Variants in PACS1 observed in about 807,000 individuals in gnomAD.
PACS1 encodes PACS-1.
A neutral mutation model predicts 115.0 loss-of-function variants in PACS1; 24 were observed. That is an observed-to-expected ratio of 0.21 (90% CI 0.15 to 0.29). The LOEUF (loss-of-function observed/expected upper bound fraction) is 0.29, where lower values mean the gene tolerates loss of function less well. Ranked by LOEUF, PACS1 falls within the 10% of genes least tolerant of loss-of-function variation. PACS1 has a pLI of 1.00. For missense variants in PACS1, 838 were observed against 1,251.2 expected (o/e 0.67, Z 4.98); for synonymous variants, 453 against 504.5 (o/e 0.90, Z 1.37).
chr11:66,221,000 C>T (rs1266578061), intron 9 of PACS1, among the ~76,000 whole-genome samples, 154 bp from the exon 10 acceptor site: 1 of 152,152 alleles, frequency 6.6e-6, no homozygotes, highest in African/African-American at 2.4e-5. Context: ...TCTCCTGACC[C>T]GCCCCTCCTC....
At chr11:66,108,383 G>A (rs1032790483) in intron 1 of PACS1, among the ~76,000 whole-genome samples, 4 of 152,052 alleles carry the variant, frequency 2.6e-5, no homozygotes, top group East Asian at 1.9e-4. Flanking sequence ...TACATCCTTA[G>A]GGCACTATCT....
intron 4 of PACS1, among the ~76,000 whole-genome samples, chr11:66,215,664 C>T (rs367845035): frequency 4.0e-5 from 6 of 151,668 alleles, no homozygotes; most frequent in African/African-American, 1.5e-4. Context: ...CTTGGGAGGC[C>T]GAGGCGGGCA....
At position 66,169,610 on chromosome 11, in the gene PACS1, A is replaced by AT. The variant is rs1431646406; in HGVS notation, c.357-23874dup. Among the ~76,000 whole-genome samples the AT allele has an allele frequency of 6.3e-5, 7 of 111,518 alleles. 1 individual carries two copies. The highest frequency in any genetic ancestry group is 2.6e-4 in the African/African-American group (7 of 26,766). 73.2% of individuals were successfully genotyped at this position (111,518 alleles called of 152,430 possible). A position where few individuals can be genotyped will look rare whatever the true frequency, so the allele number is the denominator to read the frequency against. Reference sequence around the variant, plus strand: ...GTATCTTTAGTAGAGATGGGGTTTCATTCACCATGTTGGCCAGGCTGGTCT... The same window carrying AT: ...GTATCTTTAGTAGAGATGGGGTTTCATTTCACCATGTTGGCCAGGCTGGTCT... On this transcript the variant is annotated intron_variant, in intron 1 of 23. Coordinates refer to ENST00000320580, the MANE Select transcript of PACS1 (RefSeq NM_018026.4).
At chr11:66,142,138 G>A (rs566403080) in intron 1 of PACS1, among the ~76,000 whole-genome samples, 1 of 151,986 alleles carries the variant, frequency 6.6e-6, no homozygotes, top group East Asian at 1.9e-4. Flanking sequence ...TGTTGTCCAG[G>A]CTGCTCTCCT....
intron 1 of PACS1, among the ~76,000 whole-genome samples, chr11:66,168,502 A>G (rs1359120404): frequency 6.7e-6 from 1 of 150,280 alleles, no homozygotes; most frequent in Non-Finnish European, 1.5e-5. Context: ...TTCAGTCCTC[A>G]CTTAGCTGCT....
At chr11:66,073,886 G>A (rs978751747) in intron 1 of PACS1, among the ~76,000 whole-genome samples, 4 of 148,190 alleles carry the variant, frequency 2.7e-5, no homozygotes, top group African/African-American at 1.0e-4. Context: ...CCAAGTAGCT[G>A]GGACTATAGG....
At chr11:66,125,906 G>A (rs1339107316) in intron 1 of PACS1, among the ~76,000 whole-genome samples, 5 of 152,154 alleles carry the variant, frequency 3.3e-5, no homozygotes, top group African/African-American at 1.2e-4. Context: ...CATGCATGGC[G>A]GCGCATGCCT....
chr11:66,135,659 C>CT (rs35040826), intron 1 of PACS1, among the ~76,000 whole-genome samples: 32,521 of 138,270 alleles, frequency 0.24, 4,201 homozygotes, highest in African/African-American at 0.33. Context: ...CTCTCCTGCG[C>CT]TTTTTTTTTT....
In PACS1 at chr11:66,244,437, A is replaced by AG. The variant is rs1300426132; in HGVS notation, c.*1159dup. 3.3e-5 allele frequency: 5 copies of AG among 152,298 alleles called. No individual in the cohort carries two copies. The highest frequency in any genetic ancestry group is 1.2e-4 in the African/African-American group (5 of 41,374). 9.4% of individuals were successfully genotyped at this position (152,298 alleles called of 1,614,324 possible). ...CTCATTCCTGACCGTCCGTGTTCTC[A>AG]GGAGTGGTTGAGGACACAGGGCCCC... On this transcript the variant is annotated 3_prime_UTR_variant, in exon 24 of 24. Coordinates refer to ENST00000320580, the MANE Select transcript of PACS1 (RefSeq NM_018026.4).
At chr11:66,102,334 T>G (rs1038142267) in intron 1 of PACS1, among the ~76,000 whole-genome samples, 1 of 151,870 alleles carries the variant, frequency 6.6e-6, no homozygotes, top group Non-Finnish European at 1.5e-5. Context: ...ATTATTTTAT[T>G]TTTTATTTTG....
chr11:66,243,405 G>A lies in PACS1; in HGVS notation c.*125G>A, dbSNP rs763415590. On this transcript the variant is annotated 3_prime_UTR_variant, in exon 24 of 24. Coordinates refer to ENST00000320580, the MANE Select transcript of PACS1 (RefSeq NM_018026.4). ...TGGCACCAGGGTCTGCCTCTCACTC[G>A]CCCAGGTCCCGAAGGACACTGCCAC... 1.4e-4 allele frequency: 97 copies of A among 671,108 alleles called. No individual in the cohort carries two copies. Among genetic ancestry groups the A allele is most frequent in the Admixed American group, 1.2e-3 (49 of 41,048 alleles). 41.6% of individuals were successfully genotyped at this position (671,108 alleles called of 1,614,324 possible).
chr11:66,170,213 A>AAT (rs1178094227), intron 1 of PACS1, among the ~76,000 whole-genome samples: 2 of 150,410 alleles, frequency 1.3e-5, no homozygotes, highest in Non-Finnish European at 2.9e-5. Flanking sequence ...TCTTAAGACT[A>AAT]ATATATATAT....
Position 66,243,449 on chromosome 11 carries a change from C to T in PACS1, c.*169C>T. The T allele has an allele frequency of 3.3e-6, 2 of 604,830 alleles. No homozygotes were observed. Among genetic ancestry groups the T allele is most frequent in the Admixed American group, 2.8e-5 (1 of 35,500 alleles). 37.5% of individuals were successfully genotyped at this position (604,830 alleles called of 1,614,324 possible). A position where few individuals can be genotyped will look rare whatever the true frequency, so the allele number is the denominator to read the frequency against. ...CTGCCACAGGGACGCCTTCCCTCCCCTCCCCTCCAGCCCACCCCTGCACAG... is the reference window on the plus strand; with the variant it reads ...CTGCCACAGGGACGCCTTCCCTCCCTTCCCCTCCAGCCCACCCCTGCACAG... On this transcript the variant is annotated 3_prime_UTR_variant, in exon 24 of 24. Coordinates refer to ENST00000320580, the MANE Select transcript of PACS1 (RefSeq NM_018026.4).
At chr11:66,229,108 C>T (rs1405887138) in intron 11 of PACS1, among the ~76,000 whole-genome samples, 1 of 149,210 alleles carries the variant, frequency 6.7e-6, no homozygotes, top group Non-Finnish European at 1.5e-5. Context: ...GGTGTGGTGG[C>T]TCACACCTGT....
At chr11:66,141,994 C>T (rs1458309319) in intron 1 of PACS1, among the ~76,000 whole-genome samples, 2 of 151,876 alleles carry the variant, frequency 1.3e-5, no homozygotes, top group Non-Finnish European at 2.9e-5. Flanking sequence ...TTAGTAGAGA[C>T]GGGGTTTCAC....
chr11:66,165,740 G>A (rs943791196), intron 1 of PACS1, among the ~76,000 whole-genome samples: 1 of 151,982 alleles, frequency 6.6e-6, no homozygotes, highest in Non-Finnish European at 1.5e-5. Context: ...TGTATTAAGG[G>A]TAAAATATAT....
In PACS1 at chr11:66,185,420, G is replaced by T. The variant is rs867322398; in HGVS notation, c.357-8066G>T. Among the ~76,000 whole-genome samples, 13 of 152,288 alleles carry T rather than the reference G, an allele frequency of 8.5e-5. No homozygotes were observed. In the Middle Eastern group the frequency reaches 0.01, roughly 120 times the overall value. On this transcript the variant is annotated intron_variant, in intron 1 of 23. Transcript: ENST00000320580. Reference sequence around the variant, plus strand: ...ACTTCTTAGAGTTCCAGCACATTGAGCCCTGTTTGTCTCATCCATCTTTTC... The same window carrying T: ...ACTTCTTAGAGTTCCAGCACATTGATCCCTGTTTGTCTCATCCATCTTTTC...
chr11:66,128,745 G>C (rs143960049), intron 1 of PACS1, among the ~76,000 whole-genome samples: 1 of 151,922 alleles, frequency 6.6e-6, no homozygotes, highest in Admixed American at 6.6e-5. Context: ...TTAGCCAGGC[G>C]TAGTGACATG....
intron 1 of PACS1, among the ~76,000 whole-genome samples, chr11:66,186,770 G>A (rs2134663466): frequency 6.6e-6 from 1 of 152,148 alleles, no homozygotes; most frequent in Admixed American, 6.5e-5. Context: ...CATTTTTTTT[G>A]TTTTAAATCA....
Sources: gnomAD v4.1 joint callset for allele counts (sites outside exome capture counted in the v4.1 genomes callset) on GRCh38, gnomAD v4.1.1 for gene constraint, MANE v1.5 for transcripts, NCBI Gene and HGNC (gene_info 2026-07-23, HGNC 2026-07-21) for gene names.